Variants in DNALI1 observed in about 807,000 individuals in gnomAD.
The protein encoded by DNALI1 is dynein axonemal light intermediate chain 1.
Under a neutral mutation model 33.9 loss-of-function variants are expected in DNALI1, and 31 were observed. That is an observed-to-expected ratio of 0.91 (90% CI 0.69 to 1.23). The LOEUF (loss-of-function observed/expected upper bound fraction) is 1.23, where lower values mean the gene tolerates loss of function less well. Ranked by LOEUF, DNALI1 falls within the 50% of genes most tolerant of loss-of-function variation. The probability of loss-of-function intolerance (pLI) is 0.00; values close to 1 mark genes in which losing one functional copy is unlikely to be tolerated. For missense variants in DNALI1, 305 were observed against 323.8 expected, an observed-to-expected ratio of 0.94 and a Z score of 0.44; for synonymous variants, 117 against 129.2, an observed-to-expected ratio of 0.91 and a Z score of 0.64.
chr1:37,560,991 C>G (rs181895685), intron 3 of DNALI1: 1 of 152,764 alleles, frequency 6.5e-6, no homozygotes, highest in Non-Finnish European at 1.5e-5. Flanking sequence ...CTCATTGGCT[C>G]TTATGGACGC....
intron 2 of DNALI1, 63 bp downstream of exon 2, chr1:37,557,811 T>G (rs556359043): frequency 1.3e-6 from 2 of 1,599,830 alleles, no homozygotes; most frequent in Non-Finnish European, 1.7e-6. Flanking sequence ...ATTTTGGGAG[T>G]GTGGGGGGAG....
In DNALI1 at chr1:37,562,735, T is replaced by C. The variant is rs1557633606; in HGVS notation, c.741+490T>C. Among the ~76,000 whole-genome samples, 2 of 152,116 alleles carry C rather than the reference T, an allele frequency of 1.3e-5. No individual in the cohort carries two copies. Among genetic ancestry groups the C allele is most frequent in the African/African-American group, 4.8e-5 (2 of 41,414 alleles). ...TCAGAAACCTTCCCCAGAAATGTGGTCGGGGAACCCAGGCACAGGTGCTCT... is the reference window on the plus strand; with the variant it reads ...TCAGAAACCTTCCCCAGAAATGTGGCCGGGGAACCCAGGCACAGGTGCTCT... On this transcript the variant is annotated intron_variant, in intron 5 of 5. Coordinates refer to ENST00000652629, the MANE Select transcript of DNALI1 (RefSeq NM_003462.5). The surrounding 1 kb of genome is among the most constrained non-coding windows in gnomAD (Gnocchi z 5.8).
chr1:37,564,894 G>A (rs974310197), intron 5 of DNALI1, 132 bp from the exon 6 acceptor site: 2 of 886,798 alleles, frequency 2.3e-6, no homozygotes, highest in Non-Finnish European at 3.7e-6. Context: ...TATGGATTTG[G>A]GGATCAAGGG....
chr1:37,557,179 G>C, intron 1 of DNALI1, 104 bp downstream of exon 1: 1 of 1,543,012 alleles, frequency 6.5e-7, no homozygotes, highest in South Asian at 1.2e-5. Flanking sequence ...GGATTGCAGC[G>C]ACTGGGAGTA....
Position 37,559,997 on chromosome 1 carries a change from G to A in DNALI1, c.397+501G>A, listed in dbSNP as rs1009961679. 6.6e-6 allele frequency among the ~76,000 whole-genome samples: 1 copy of A among 152,240 alleles called. No homozygotes were observed. On this transcript the variant is annotated intron_variant, in intron 3 of 5. Transcript: ENST00000652629. The surrounding 1 kb of genome is among the most constrained non-coding windows in gnomAD (Gnocchi z 5.3). ...GAAGGTACTATGCCTGGATGTGCAC[G>A]TAGGCCGGATTTATGCTTCTCTCTA...
In DNALI1 at chr1:37,565,069, C is replaced by A; in HGVS notation, c.*8C>A. Reference sequence around the variant, plus strand: ...ATTGCACCAAAGAAGTGATAATTTCCACATGATTAATTTCCAACAAGACAC... The same window carrying A: ...ATTGCACCAAAGAAGTGATAATTTCAACATGATTAATTTCCAACAAGACAC... On this transcript the variant is annotated 3_prime_UTR_variant, in exon 6 of 6. Coordinates refer to ENST00000652629, the MANE Select transcript of DNALI1 (RefSeq NM_003462.5). 6.2e-7 allele frequency: 1 copy of A among 1,614,136 alleles called. No homozygotes were observed. Among genetic ancestry groups the A allele is most frequent in the Non-Finnish European group, 8.5e-7 (1 of 1,180,002 alleles).
chr1:37,559,425 A>AGCT lies in DNALI1; in HGVS notation c.329_331dup (p.Leu110dup). ...CACCTCCAGGAGCAGTTAGACTTAAAGCTGCAGCAGCGGCAGGCCAGGGAA... is the reference window on the plus strand; with the variant it reads ...CACCTCCAGGAGCAGTTAGACTTAAAGCTGCTGCAGCAGCGGCAGGCCAGGGAA... On this transcript the variant is annotated inframe_insertion, in exon 3 of 6. Transcript: ENST00000652629. The surrounding 1 kb of genome is among the most constrained non-coding windows in gnomAD (Gnocchi z 5.3). The AGCT allele has an allele frequency of 1.2e-6, 2 of 1,613,450 alleles. No homozygotes were observed.
At chr1:37,563,537 C>T (rs1427370271) in intron 5 of DNALI1, among the ~76,000 whole-genome samples, 2 of 152,174 alleles carry the variant, frequency 1.3e-5, no homozygotes, top group African/African-American at 4.8e-5. Flanking sequence ...GTTGCCCAGG[C>T]TGGAGTGCAA....
Position 37,561,425 on chromosome 1 carries a change from T to C in DNALI1, c.398-132T>C. 8.3e-7 allele frequency: 1 copy of C among 1,201,588 alleles called. No individual in the cohort carries two copies. The allele number at this position is 1,201,588 out of a possible 1,614,324, so 74.4% of individuals were successfully genotyped here. On this transcript the variant is annotated intron_variant, in intron 3 of 5. Transcript: ENST00000652629. This position sits in a 1 kb window ranked among gnomAD's most constrained non-coding sequence, Gnocchi z 4.6. ...AGGCACCCTCCCTGAGGCCCTTCTCTGAGGCCTTGCACTTTGTCTCCAAGC... is the reference window on the plus strand; with the variant it reads ...AGGCACCCTCCCTGAGGCCCTTCTCCGAGGCCTTGCACTTTGTCTCCAAGC...
Position 37,561,704 on chromosome 1 carries a change from C to A in DNALI1, c.545C>A (p.Ala182Asp), listed in dbSNP as rs767933489. ...VAFGMRKALQ[A>D]EQGKSDMERK... Reference sequence around the variant, plus strand: ...TTTGGCATGAGGAAGGCACTGCAGGCTGAGCAGGGGAAGTCAGACATGGAG... The same window carrying A: ...TTTGGCATGAGGAAGGCACTGCAGGATGAGCAGGGGAAGTCAGACATGGAG... The change falls in exon 4 of 6, where the codon GCT becomes GAT. Residue 182 changes from alanine (A) to aspartate (D), a missense_variant. Ala to Asp is a moderately radical substitution (Grantham distance 126). Coordinates refer to ENST00000652629, the MANE Select transcript of DNALI1 (RefSeq NM_003462.5). The surrounding 1 kb of genome is among the most constrained non-coding windows in gnomAD (Gnocchi z 4.6). The A allele has an allele frequency of 6.2e-7, 1 of 1,614,084 alleles. No individual in the cohort carries two copies. The highest frequency in any genetic ancestry group is 1.7e-5 in the Admixed American group (1 of 60,006).
At chr1:37,558,987 G>A (rs1366829528) in intron 2 of DNALI1, among the ~76,000 whole-genome samples, 1 of 152,210 alleles carries the variant, frequency 6.6e-6, no homozygotes, top group Non-Finnish European at 1.5e-5. Flanking sequence ...CACCCCGTAA[G>A]TTGGTGGGTA....
Position 37,557,640 on chromosome 1 carries a change from C to T in DNALI1, c.119C>T (p.Pro40Leu), listed in dbSNP as rs559111896. 1 of 1,614,064 alleles carries T rather than the reference C, an allele frequency of 6.2e-7. No individual in the cohort carries two copies. Among genetic ancestry groups the T allele is most frequent in the East Asian group, 2.2e-5 (1 of 44,866 alleles). The change falls in exon 2 of 6, where the codon CCT becomes CTT. Residue 40 changes from proline to leucine, a missense_variant. Coordinates refer to ENST00000652629, the MANE Select transcript of DNALI1 (RefSeq NM_003462.5). ...AAAGTCAGCCCCCAGCAGCCTGGAC[C>T]TTCAGGTTCAGCCCCACAGCCACCC... is the stretch of plus-strand genomic sequence containing the variant. ...LLKVSPQQPG[P>L]SGSAPQPPKT...
chr1:37,557,056 C>G lies in DNALI1; in HGVS notation c.62C>G (p.Thr21Arg). Reference protein sequence around the residue: ...YDTPVLVSRNTEKRSPKARLL... With the variant: ...YDTPVLVSRNREKRSPKARLL... Reference sequence around the variant, plus strand: ...ACCCCAGTGCTGGTGAGCCGGAACACGGAGAAACGGAGCCCCAAGGTAAAG... The same window carrying G: ...ACCCCAGTGCTGGTGAGCCGGAACAGGGAGAAACGGAGCCCCAAGGTAAAG... The change falls in exon 1 of 6, where the codon ACG (threonine) becomes AGG (arginine). Residue 21 changes from threonine to arginine, a missense_variant. Thr to Arg is a moderately conservative substitution (Grantham distance 71). Transcript: ENST00000652629. The G allele has an allele frequency of 6.2e-7, 1 of 1,614,214 alleles. No individual in the cohort carries two copies. Among genetic ancestry groups the G allele is most frequent in the South Asian group, 1.1e-5 (1 of 91,082 alleles).
chr1:37,559,310 C>T lies in DNALI1; in HGVS notation c.228-17C>T, dbSNP rs776465374. On this transcript the variant is annotated splice_polypyrimidine_tract_variant and intron_variant, in intron 2 of 5. Transcript: ENST00000652629. This position sits in a 1 kb window ranked among gnomAD's most constrained non-coding sequence, Gnocchi z 5.3. Reference sequence around the variant, plus strand: ...CAAGTCAACGGGTTTTGCTCAGCCTCGCTGTGTCTGCCACAGGGAGTGGGT... The same window carrying T: ...CAAGTCAACGGGTTTTGCTCAGCCTTGCTGTGTCTGCCACAGGGAGTGGGT... 1.0e-5 allele frequency: 16 copies of T among 1,576,282 alleles called. No individual in the cohort carries two copies. Among genetic ancestry groups the T allele is most frequent in the Admixed American group, 1.8e-5 (1 of 56,918 alleles).
intron 5 of DNALI1, among the ~76,000 whole-genome samples, chr1:37,563,102 G>A (rs1326747256): frequency 6.6e-6 from 1 of 152,226 alleles, no homozygotes; most frequent in Non-Finnish European, 1.5e-5. Context: ...CTTCTCCCAT[G>A]GCCCTGGCCA....
At position 37,561,935 on chromosome 1, in the gene DNALI1, T is replaced by G; in HGVS notation, c.577-146T>G. 1 of 1,414,120 alleles carries G rather than the reference T, an allele frequency of 7.1e-7. No homozygotes were observed. The highest frequency in any genetic ancestry group is 9.6e-7 in the Non-Finnish European group (1 of 1,038,344). The allele number at this position is 1,414,120 out of a possible 1,614,324, so 87.6% of individuals were successfully genotyped here. On this transcript the variant is annotated intron_variant, in intron 4 of 5. Transcript: ENST00000652629. This position sits in a 1 kb window ranked among gnomAD's most constrained non-coding sequence, Gnocchi z 4.6. ...GTGGTCTTGGCAGAGTTGTTTCCGC[T>G]GTAGACGCTCCATGCCAGGCACTGA...
intron 2 of DNALI1, among the ~76,000 whole-genome samples, chr1:37,558,729 T>C (rs912392836): frequency 6.6e-6 from 1 of 152,242 alleles, no homozygotes; most frequent in African/African-American, 2.4e-5. Flanking sequence ...CTTGAGAATT[T>C]GCTATAGCAG....
intron 1 of DNALI1, among the ~76,000 whole-genome samples, chr1:37,557,277 A>T (rs1206482430): frequency 6.6e-6 from 1 of 152,084 alleles, no homozygotes; most frequent in African/African-American, 2.4e-5. Flanking sequence ...CAGATTTAGG[A>T]TGGGGAAGGA....
At position 37,557,680 on chromosome 1, in the gene DNALI1, C is replaced by T. The variant is rs1643388421; in HGVS notation, c.159C>T (p.Pro53=). The part of the protein sequence containing the change: ...SAPQPPKTKL[P]STPCVPDPTK... ...CACAGCCACCCAAGACCAAGCTCCC[C>T]TCAACTCCCTGTGTCCCAGATCCTA... The change falls in exon 2 of 6, where the codon CCC becomes CCT. Residue 53 remains proline, a synonymous_variant. Transcript: ENST00000652629. The T allele has an allele frequency of 6.2e-7, 1 of 1,614,100 alleles. No homozygotes were observed. The highest frequency in any genetic ancestry group is 8.5e-7 in the Non-Finnish European group (1 of 1,179,988).
Sources: gnomAD v4.1 joint callset for allele counts (sites outside exome capture counted in the v4.1 genomes callset) on GRCh38, gnomAD v4.1.1 for gene constraint, Gnocchi (gnomAD v3.1) non-coding constraint, MANE v1.5 for transcripts, NCBI Gene and HGNC (gene_info 2026-07-23, HGNC 2026-07-21) for gene names.